Variants in KCNIP4 observed in about 807,000 individuals in gnomAD.
KCNIP4 encodes the protein potassium voltage-gated channel interacting protein 4.
Under a neutral mutation model 34.0 loss-of-function variants are expected in KCNIP4, and 12 were observed. The ratio of observed to expected loss-of-function variants is 0.35; its 90% CI spans 0.23 to 0.57. KCNIP4 has a LOEUF of 0.57. Among genes scored for constraint, KCNIP4 ranks in the 20% least tolerant of loss-of-function variants. The probability of loss-of-function intolerance (pLI) is 0.83; values close to 1 mark genes in which losing one functional copy is unlikely to be tolerated. For synonymous variants in KCNIP4, 124 were observed against 102.2 expected (o/e 1.21, Z -1.29); for missense variants, 238 against 311.7 (o/e 0.76, Z 1.78).
intron 1 of KCNIP4, among the ~76,000 whole-genome samples, chr4:21,331,223 T>C (rs1715604760): frequency 6.6e-6 from 1 of 152,176 alleles, no homozygotes; most frequent in Non-Finnish European, 1.5e-5. Context: ...TAGTTTCTAT[T>C]GAGCAGCTTA....
At chr4:21,864,934 G>C (rs1725322827) in intron 1 of KCNIP4, among the ~76,000 whole-genome samples, 1 of 152,196 alleles carries the variant, frequency 6.6e-6, no homozygotes, top group Non-Finnish European at 1.5e-5. Flanking sequence ...ACTCAGTTCA[G>C]CACATGCCAC....
At chr4:21,455,828 T>TTCC (rs1577388381) in intron 1 of KCNIP4, among the ~76,000 whole-genome samples, 18 of 110,536 alleles carry the variant, frequency 1.6e-4, no homozygotes, top group African/African-American at 5.2e-4. Context: ...TATATATATA[T>TTCC]ATATATATAT....
chr4:21,778,993 T>G lies in KCNIP4; in HGVS notation c.61+169578A>C, dbSNP rs1269685909. 4.0e-5 allele frequency among the ~76,000 whole-genome samples: 6 copies of G among 151,206 alleles called. No individual in the cohort carries two copies. The East Asian group carries it at 1.2e-3, about 29-fold the overall frequency. ...AAAGTATGGGTCTGGTGTGCATGAGTGTGCACGTGTGTGGGCATGAGAGAG... is the reference window on the plus strand; with the variant it reads ...AAAGTATGGGTCTGGTGTGCATGAGGGTGCACGTGTGTGGGCATGAGAGAG... On this transcript the variant is annotated intron_variant, in intron 1 of 8. Transcript: ENST00000382152.
intron 1 of KCNIP4, among the ~76,000 whole-genome samples, chr4:21,554,067 A>G (rs1738793365): frequency 6.6e-6 from 1 of 152,166 alleles, no homozygotes; most frequent in Non-Finnish European, 1.5e-5. Context: ...AATGCTCTAA[A>G]GTAAAAATAA....
chr4:21,311,648 C>T (rs2109274847), intron 1 of KCNIP4, among the ~76,000 whole-genome samples: 1 of 138,168 alleles, frequency 7.2e-6, no homozygotes, highest in South Asian at 2.3e-4. Context: ...GAGATCATGC[C>T]ACTGCACTCC....
In KCNIP4 at chr4:21,341,563, A is replaced by G. The variant is rs146504000; in HGVS notation, c.62-458854T>C. ...TTTAAATCATTTCCTTTCATTAACA[A>G]TTCTTATTACCTTCCTAAATTGCAA... On this transcript the variant is annotated intron_variant, in intron 1 of 8. Coordinates refer to ENST00000382152, the MANE Select transcript of KCNIP4 (RefSeq NM_025221.6). Among the ~76,000 whole-genome samples the G allele has an allele frequency of 1.9e-3, 230 of 119,680 alleles. 3 individuals are homozygous for G. The highest frequency in any genetic ancestry group is 7.9e-3 in the African/African-American group (214 of 27,102). 78.5% of individuals were successfully genotyped at this position (119,680 alleles called of 152,430 possible). A position where few individuals can be genotyped will look rare whatever the true frequency, so the allele number is the denominator to read the frequency against.
At chr4:21,076,422 G>A (rs1560700015) in intron 1 of KCNIP4, among the ~76,000 whole-genome samples, 1 of 151,900 alleles carries the variant, frequency 6.6e-6, no homozygotes, top group Admixed American at 6.6e-5. Context: ...ATATTGTCTT[G>A]TTTTGTTTTC....
intron 1 of KCNIP4, among the ~76,000 whole-genome samples, chr4:20,931,021 C>A (rs1290629934): frequency 6.6e-6 from 1 of 151,958 alleles, no homozygotes; most frequent in Non-Finnish European, 1.5e-5. Context: ...ATTGACCCAG[C>A]AATTCCTCTT....
chr4:20,791,135 G>A (rs1440510707), intron 3 of KCNIP4, among the ~76,000 whole-genome samples: 3 of 152,036 alleles, frequency 2.0e-5, no homozygotes, highest in Non-Finnish European at 4.4e-5. Context: ...AATAATGCAA[G>A]TTAGAAGACA....
intron 1 of KCNIP4, among the ~76,000 whole-genome samples, chr4:21,188,452 T>C (rs2109340948): frequency 6.6e-6 from 1 of 152,252 alleles, no homozygotes; most frequent in East Asian, 1.9e-4. Flanking sequence ...GCATGAAAAA[T>C]GCTAAAGGTG....
At chr4:21,349,531 G>C (rs1363619732) in intron 1 of KCNIP4, among the ~76,000 whole-genome samples, 1 of 152,158 alleles carries the variant, frequency 6.6e-6, no homozygotes, top group Admixed American at 6.6e-5. Context: ...TGAAGCCGTA[G>C]AGAAAATTGA....
At chr4:21,559,569 A>C (rs990483604) in intron 1 of KCNIP4, among the ~76,000 whole-genome samples, 21 of 152,104 alleles carry the variant, frequency 1.4e-4, no homozygotes, top group African/African-American at 5.1e-4. Flanking sequence ...CAGAGGGCTC[A>C]ACAGGTTGCT....
chr4:21,151,869 T>C (rs569808828), intron 1 of KCNIP4, among the ~76,000 whole-genome samples: 2 of 152,262 alleles, frequency 1.3e-5, no homozygotes, highest in South Asian at 4.1e-4. Context: ...TAGCCCTTTT[T>C]CTCCTCCATG....
intron 1 of KCNIP4, among the ~76,000 whole-genome samples, chr4:21,211,048 T>C (rs1757185018): frequency 6.6e-6 from 1 of 152,288 alleles, no homozygotes; most frequent in Non-Finnish European, 1.5e-5. Context: ...GAAACTGAAT[T>C]TGACTTCTAG....
rs545023433 is a variant in KCNIP4, at chr4:20,740,422, A to G, written c.430-5687T>C. ...AAGCCAGAAGAGAGTGGGGGCCAAT[A>G]TTCAACACTCTTACAGAATTTTCAA... On this transcript the variant is annotated intron_variant, in intron 5 of 8. Transcript: ENST00000382152. 2.7e-3 allele frequency among the ~76,000 whole-genome samples: 416 copies of G among 152,330 alleles called. 1 individual carries two copies. The highest frequency in any genetic ancestry group is 4.2e-3 in the Non-Finnish European group (289 of 68,024).
chr4:21,560,595 CT>C (rs1739427246), intron 1 of KCNIP4, among the ~76,000 whole-genome samples: 1 of 151,878 alleles, frequency 6.6e-6, no homozygotes, highest in Non-Finnish European at 1.5e-5. Context: ...TTTATTTTAC[CT>C]GGAAAACTCA....
At chr4:21,830,521 A>G (rs1210600504) in intron 1 of KCNIP4, among the ~76,000 whole-genome samples, 1 of 151,904 alleles carries the variant, frequency 6.6e-6, no homozygotes, top group Non-Finnish European at 1.5e-5. Flanking sequence ...ACTAAACACA[A>G]TACAAAAATT....
chr4:20,904,876 T>A (rs938159778), intron 1 of KCNIP4, among the ~76,000 whole-genome samples: 2 of 152,112 alleles, frequency 1.3e-5, no homozygotes, highest in Non-Finnish European at 2.9e-5. Context: ...AAAGAAACAG[T>A]AGTCAGAAGG....
intron 1 of KCNIP4, among the ~76,000 whole-genome samples, chr4:21,841,071 T>C (rs937651211): frequency 2.0e-5 from 3 of 152,184 alleles, no homozygotes; most frequent in Non-Finnish European, 4.4e-5. Flanking sequence ...CTAATATTTG[T>C]TTCATAAAAT....
Sources: gnomAD v4.1 joint callset for allele counts (sites outside exome capture counted in the v4.1 genomes callset) on GRCh38, gnomAD v4.1.1 for gene constraint, MANE v1.5 for transcripts, NCBI Gene and HGNC (gene_info 2026-07-23, HGNC 2026-07-21) for gene names.